The following DHX36 variants were observed in gnomAD, a reference collection of about 807,000 sequenced individuals.
DHX36 encodes the protein DEAH-box helicase 36.
Under a neutral mutation model 139.0 loss-of-function variants are expected in DHX36, and 50 were observed. That is an observed-to-expected ratio of 0.36 (90% CI 0.29 to 0.46). The LOEUF (loss-of-function observed/expected upper bound fraction) is 0.46. Among genes scored for constraint, DHX36 ranks in the 20% least tolerant of loss-of-function variants. DHX36 has a pLI of 1.00. For missense variants in DHX36, 1,024 were observed against 1,211.3 expected (o/e 0.85, Z 2.29); for synonymous variants, 425 against 401.9 (o/e 1.06, Z -0.69).
intron 4 of DHX36, 92 bp downstream of exon 4, chr3:154,311,540 GTTCA>G (rs1712763067): frequency 3.0e-6 from 3 of 999,100 alleles, no homozygotes; most frequent in Non-Finnish European, 4.4e-6. Context: ...GTAAAAGAAA[GTTCA>G]TTAATTTACA....
chr3:154,313,670 A>C (rs1712854878), intron 3 of DHX36, among the ~76,000 whole-genome samples: 1 of 152,178 alleles, frequency 6.6e-6, no homozygotes, highest in Non-Finnish European at 1.5e-5. Flanking sequence ...ACAGAGTGAG[A>C]CCCTGTCTTA....
At chr3:154,298,946 G>C (rs1712150717) in intron 12 of DHX36, among the ~76,000 whole-genome samples, 1 of 151,702 alleles carries the variant, frequency 6.6e-6, no homozygotes, top group African/African-American at 2.4e-5. Flanking sequence ...AATTAATTTT[G>C]TCAAAAGCAC....
Position 154,310,823 on chromosome 3 carries a change from A to G in DHX36, c.642+813T>C, listed in dbSNP as rs1169464726. Among the ~76,000 whole-genome samples the G allele has an allele frequency of 5.6e-4, 14 of 25,116 alleles. 1 individual carries two copies. The highest frequency in any genetic ancestry group is 2.5e-3 in the African/African-American group (13 of 5,150). 16.5% of individuals were successfully genotyped at this position (25,116 alleles called of 152,430 possible). ...AAAAAAAAAATATATATATATATAT[A>G]TATATATATATATATATATATATAT... On this transcript the variant is annotated intron_variant, in intron 4 of 24. Transcript: ENST00000496811.
intron 17 of DHX36, 139 bp downstream of exon 17, chr3:154,288,727 G>T: frequency 2.3e-6 from 1 of 426,984 alleles, no homozygotes; most frequent in Non-Finnish European, 4.2e-6. Context: ...GTTCTAAATT[G>T]ATAGTCAAAT....
intron 1 of DHX36, 147 bp downstream of exon 1, chr3:154,324,027 G>T: frequency 6.3e-6 from 6 of 952,534 alleles, no homozygotes; most frequent in South Asian, 1.8e-5. Context: ...CCGCTACGGG[G>T]AGCGCCAGCA....
intron 3 of DHX36, among the ~76,000 whole-genome samples, chr3:154,314,080 T>C (rs1712869578): frequency 6.6e-6 from 1 of 152,198 alleles, no homozygotes; most frequent in Non-Finnish European, 1.5e-5. Context: ...GTCCATCATA[T>C]ACAGCAAAGA....
intron 1 of DHX36, among the ~76,000 whole-genome samples, chr3:154,322,969 G>A (rs1428071830): frequency 1.3e-5 from 2 of 152,142 alleles, no homozygotes; most frequent in Middle Eastern, 3.2e-3. Context: ...AAGATAAATG[G>A]ATAAGGCCCC....
chr3:154,285,055 G>A, intron 17 of DHX36, 68 bp from the exon 18 acceptor site: 1 of 1,513,618 alleles, frequency 6.6e-7, no homozygotes, highest in Admixed American at 1.8e-5. Flanking sequence ...ATTTTAGCTT[G>A]CTTTAAAAAG....
chr3:154,303,751 T>C (rs1712390377), intron 8 of DHX36, among the ~76,000 whole-genome samples: 1 of 152,200 alleles, frequency 6.6e-6, no homozygotes, highest in African/African-American at 2.4e-5. Flanking sequence ...CATAATAGAA[T>C]ATCCAGAATA....
At chr3:154,306,373 C>T in intron 5 of DHX36, 78 bp from the exon 6 acceptor site, 1 of 1,268,440 alleles carries the variant, frequency 7.9e-7, no homozygotes, top group African/African-American at 1.5e-5. Context: ...AAATCTAGGA[C>T]TGTTGAAAAA....
intron 1 of DHX36, among the ~76,000 whole-genome samples, chr3:154,322,222 C>G (rs548922680): frequency 6.6e-5 from 10 of 152,130 alleles, no homozygotes; most frequent in Non-Finnish European, 1.2e-4. Flanking sequence ...AAACCTGTTA[C>G]GTTGAAGCCG....
At chr3:154,288,844 A>G (rs1310843345) in intron 17 of DHX36, 22 bp downstream of exon 17, 1 of 1,421,682 alleles carries the variant, frequency 7.0e-7, no homozygotes, top group Non-Finnish European at 9.5e-7. Context: ...TTAGAATTAA[A>G]AAAACAAGAA....
chr3:154,290,928 A>G (rs1233054066), intron 15 of DHX36, among the ~76,000 whole-genome samples: 1 of 150,960 alleles, frequency 6.6e-6, no homozygotes, highest in Non-Finnish European at 1.5e-5. Flanking sequence ...AGGTCAGGAG[A>G]TCGAGACCAT....
At chr3:154,324,001 A>G (rs1177467777) in intron 1 of DHX36, among the ~76,000 whole-genome samples, 173 bp downstream of exon 1, 1 of 152,248 alleles carries the variant, frequency 6.6e-6, no homozygotes, top group African/African-American at 2.4e-5. Flanking sequence ...AGCATGGCTA[A>G]TGTTACGCAG....
chr3:154,301,150 T>C (rs778014701), intron 9 of DHX36, 23 bp from the exon 10 acceptor site: 3 of 1,560,904 alleles, frequency 1.9e-6, no homozygotes, highest in East Asian at 2.3e-5. Context: ...CATTCTTGAA[T>C]ATCTTCACTT....
At chr3:154,288,234 A>G (rs1397184238) in intron 17 of DHX36, among the ~76,000 whole-genome samples, 12 of 152,026 alleles carry the variant, frequency 7.9e-5, no homozygotes, top group African/African-American at 2.7e-4. Flanking sequence ...TATTAAGTGA[A>G]ATAATCCAGA....
rs1421709361 is a variant in DHX36, at chr3:154,273,195, G to A, written c.*2976C>T. 1.3e-5 allele frequency: 2 copies of A among 151,952 alleles called. No individual in the cohort carries two copies. Among genetic ancestry groups the A allele is most frequent in the Non-Finnish European group, 2.9e-5 (2 of 67,994 alleles). The allele number at this position is 151,952 out of a possible 1,614,324, so 9.4% of individuals were successfully genotyped here. A position where few individuals can be genotyped will look rare whatever the true frequency, so the allele number is the denominator to read the frequency against. The stretch of plus-strand genomic sequence containing the variant: ...AAAGAACAAACAGTTCTTAGACCTG[G>A]AATGTATTTTCTACTCAGTAATGCC... On this transcript the variant is annotated 3_prime_UTR_variant, in exon 25 of 25. Coordinates refer to ENST00000496811, the MANE Select transcript of DHX36 (RefSeq NM_020865.3).
At chr3:154,303,117 AC>A (rs1044697057) in intron 9 of DHX36, among the ~76,000 whole-genome samples, 1 of 152,068 alleles carries the variant, frequency 6.6e-6, no homozygotes, top group Non-Finnish European at 1.5e-5. Context: ...TACCTCAGAC[AC>A]TGTAATGTAA....
intron 12 of DHX36, among the ~76,000 whole-genome samples, chr3:154,296,404 G>A (rs1315818314): frequency 1.3e-5 from 2 of 152,252 alleles, no homozygotes; most frequent in East Asian, 1.9e-4. Flanking sequence ...AACCTGGGAG[G>A]CGGAGCTTGC....
Sources: allele counts gnomAD v4.1 joint callset (sites outside exome capture counted in the v4.1 genomes callset), GRCh38; gene constraint gnomAD v4.1.1; transcripts MANE v1.5; gene names NCBI Gene and HGNC (gene_info 2026-07-23, HGNC 2026-07-21).